Variants in CCDC12 observed in about 807,000 individuals in gnomAD.
CCDC12 encodes coiled-coil domain containing 12.
CCDC12 carries 28 observed loss-of-function variants against 25.7 expected under a neutral mutation model. That is an observed-to-expected ratio of 1.09 (90% CI 0.81 to 1.50). CCDC12 has a LOEUF of 1.50. Ranked by LOEUF, CCDC12 falls within the 40% of genes most tolerant of loss-of-function variation. The pLI is 0.00. For missense variants in CCDC12, 198 were observed against 210.0 expected, an observed-to-expected ratio of 0.94 and a Z score of 0.35; for synonymous variants, 75 against 87.7, an observed-to-expected ratio of 0.86 and a Z score of 0.81.
chr3:46,951,075 A>G (rs1415662011), intron 1 of CCDC12, among the ~76,000 whole-genome samples: 1 of 152,206 alleles, frequency 6.6e-6, no homozygotes, highest in East Asian at 1.9e-4. Context: ...TCAAGGCTGC[A>G]GTGAGCTGTA....
chr3:46,923,318 G>A lies in CCDC12; in HGVS notation c.341+11C>T. ...GTCAGCCTGCACCCGCCACGCACGG[G>A]CAACACTCACCAGTCAGGCTTCCGA... On this transcript the variant is annotated intron_variant, in intron 5 of 6. Transcript: ENST00000683445. 6.7e-7 allele frequency: 1 copy of A among 1,484,458 alleles called. No homozygotes were observed. Among genetic ancestry groups the A allele is most frequent in the Non-Finnish European group, 9.0e-7 (1 of 1,116,406 alleles). 92.0% of individuals were successfully genotyped at this position (1,484,458 alleles called of 1,614,324 possible).
rs2033137479 is a variant in CCDC12, at chr3:46,929,928, G to C, written c.165-4393C>G. Among the ~76,000 whole-genome samples, 3 of 151,394 alleles carry C rather than the reference G, an allele frequency of 2.0e-5. No homozygotes were observed. The South Asian group carries it at 6.3e-4, about 32-fold the overall frequency. On this transcript the variant is annotated intron_variant, in intron 2 of 6. Transcript: ENST00000683445. ...TGCCTGTAATCCCAGCTACTCAGGAGGCTGAGGCAGGAGAATCACTTGAAC... is the reference window on the plus strand; with the variant it reads ...TGCCTGTAATCCCAGCTACTCAGGACGCTGAGGCAGGAGAATCACTTGAAC...
intron 1 of CCDC12, among the ~76,000 whole-genome samples, chr3:46,955,756 C>T (rs1201323989): frequency 6.6e-6 from 1 of 152,192 alleles, no homozygotes; most frequent in African/African-American, 2.4e-5. Flanking sequence ...AAGGGGCCCC[C>T]CGAAAAACAA....
rs138671582 is a variant in CCDC12 at position 46,946,774 on chromosome 3, G to T, written c.97-5709C>A. ...CTGTGTGTCTGTGTTTGGGAGGGGGGTTAAAGTTAAAATGAGGGCTGGGAA... is the reference window on the plus strand; with the variant it reads ...CTGTGTGTCTGTGTTTGGGAGGGGGTTTAAAGTTAAAATGAGGGCTGGGAA... On this transcript the variant is annotated intron_variant, in intron 1 of 6. Transcript: ENST00000683445. Among the ~76,000 whole-genome samples the T allele has an allele frequency of 6.4e-3, 968 of 152,320 alleles. 12 individuals carry two copies. The highest frequency in any genetic ancestry group is 0.022 in the African/African-American group (922 of 41,566).
intron 2 of CCDC12, among the ~76,000 whole-genome samples, chr3:46,935,076 G>T (rs2033390858): frequency 6.6e-6 from 1 of 152,222 alleles, no homozygotes; most frequent in African/African-American, 2.4e-5. Flanking sequence ...GGGGTGGGAA[G>T]TCTCTCCACA....
At chr3:46,941,285 G>GCA (rs1472964819) in intron 1 of CCDC12, among the ~76,000 whole-genome samples, 8 of 151,914 alleles carry the variant, frequency 5.3e-5, no homozygotes, top group African/African-American at 1.4e-4. Context: ...ACTCTTGGCT[G>GCA]GGCGCGGTGG....
chr3:46,973,653 G>A lies in CCDC12; in HGVS notation c.96+2984C>T, dbSNP rs538709026. Among the ~76,000 whole-genome samples the A allele has an allele frequency of 3.2e-4, 39 of 123,522 alleles. No individual in the cohort carries two copies. In the South Asian group the frequency reaches 9.3e-3, roughly 30 times the overall value. 81.0% of individuals were successfully genotyped at this position (123,522 alleles called of 152,430 possible). A position where few individuals can be genotyped will look rare whatever the true frequency, so the allele number is the denominator to read the frequency against. ...TTTTGAGATGGAGTCTCACTCTGTCGCCCAGGCTGGAGTGCAGTGGCGCAT... is the reference window on the plus strand; with the variant it reads ...TTTTGAGATGGAGTCTCACTCTGTCACCCAGGCTGGAGTGCAGTGGCGCAT... On this transcript the variant is annotated intron_variant, in intron 1 of 6. Transcript: ENST00000683445.
chr3:46,929,398 T>C (rs1326972306), intron 2 of CCDC12, among the ~76,000 whole-genome samples: 1 of 152,154 alleles, frequency 6.6e-6, no homozygotes, highest in Non-Finnish European at 1.5e-5. Context: ...TCCTAGGAGC[T>C]CCCATAGCCT....
rs371556796 is a variant in CCDC12 at position 46,922,297 on chromosome 3, A to C, written c.357T>G (p.Asp119Glu). The change falls in exon 6 of 7, where the codon GAT (aspartate) becomes GAG (glutamate). Residue 119 changes from aspartate to glutamate, a missense_variant. Asp to Glu is a conservative substitution (Grantham distance 45). Coordinates refer to ENST00000683445, the MANE Select transcript of CCDC12 (RefSeq NM_001277074.2). ...PRKPDWDLKR[D>E]VAKKLEKLKK... ...TTAGTTTCTCCAGCTTCTTGGCCAC[A>C]TCTCTCTTGAGGTCCCTGGAGCAGG... is the stretch of plus-strand genomic sequence containing the variant. 2 of 1,614,152 alleles carry C rather than the reference A, an allele frequency of 1.2e-6. No homozygotes were observed. Among genetic ancestry groups the C allele is most frequent in the Non-Finnish European group, 1.7e-6 (2 of 1,180,014 alleles).
At chr3:46,972,985 C>G (rs1460192293) in intron 1 of CCDC12, among the ~76,000 whole-genome samples, 3 of 151,776 alleles carry the variant, frequency 2.0e-5, no homozygotes, top group Non-Finnish European at 4.4e-5. Flanking sequence ...CTATATAAAC[C>G]CCTGATTTTA....
intron 1 of CCDC12, among the ~76,000 whole-genome samples, chr3:46,967,271 CCA>C (rs1437400286): frequency 4.6e-5 from 7 of 152,156 alleles, no homozygotes; most frequent in Non-Finnish European, 8.8e-5. Flanking sequence ...CCTCCTACCT[CCA>C]CACACAGTCA....
intron 1 of CCDC12, among the ~76,000 whole-genome samples, chr3:46,961,144 C>A (rs1164747228): frequency 6.6e-6 from 1 of 151,804 alleles, no homozygotes; most frequent in East Asian, 1.9e-4. Flanking sequence ...GTGGAGAGTA[C>A]ATGCTGTATG....
intron 1 of CCDC12, among the ~76,000 whole-genome samples, chr3:46,969,138 C>CCT (rs1395934541): frequency 2.0e-5 from 3 of 152,122 alleles, no homozygotes; most frequent in Non-Finnish European, 2.9e-5. Flanking sequence ...GCATACTAGG[C>CCT]CTCTCACCCA....
At chr3:46,971,744 C>G (rs545666332) in intron 1 of CCDC12, among the ~76,000 whole-genome samples, 7 of 152,292 alleles carry the variant, frequency 4.6e-5, no homozygotes, top group Admixed American at 3.3e-4. Flanking sequence ...ACAGTAAGAA[C>G]TCAATGAAGG....
chr3:46,976,751 T>C, upstream of CCDC12: 1 of 1,593,490 alleles, frequency 6.3e-7, no homozygotes, highest in Non-Finnish European at 8.5e-7. Flanking sequence ...CGTACGCCCC[T>C]CCTTTTCTCC....
intron 2 of CCDC12, among the ~76,000 whole-genome samples, chr3:46,931,677 T>C (rs921087376): frequency 6.6e-6 from 1 of 152,172 alleles, no homozygotes; most frequent in Admixed American, 6.5e-5. Context: ...AACAAGGTCC[T>C]CCACCTGGCC....
rs144514137 is a variant in CCDC12 at position 46,974,140 on chromosome 3, A to G, written c.96+2497T>C. Among the ~76,000 whole-genome samples the G allele has an allele frequency of 1.9e-3, 292 of 152,354 alleles. 4 individuals are homozygous for G. The highest frequency in any genetic ancestry group is 6.7e-3 in the African/African-American group (280 of 41,582). On this transcript the variant is annotated intron_variant, in intron 1 of 6. Coordinates refer to ENST00000683445, the MANE Select transcript of CCDC12 (RefSeq NM_001277074.2). ...TTTGATTACATGAGGTACCTAGAGT[A>G]GTCAAATTCAGAGACAGGAAGTAGA...
chr3:46,925,176 G>T (rs1312840522), intron 3 of CCDC12: 1 of 622,818 alleles, frequency 1.6e-6, no homozygotes, highest in Non-Finnish European at 3.0e-6. Flanking sequence ...CTGAGAGGAT[G>T]TGGCCTTTTT....
At chr3:46,954,334 C>CT (rs1429472472) in intron 1 of CCDC12, among the ~76,000 whole-genome samples, 2 of 152,218 alleles carry the variant, frequency 1.3e-5, no homozygotes, top group Non-Finnish European at 2.9e-5. Context: ...AGCCCAACCA[C>CT]TATGTGTTCA....
Sources: allele counts gnomAD v4.1 joint callset (sites outside exome capture counted in the v4.1 genomes callset), GRCh38; gene constraint gnomAD v4.1.1; transcripts MANE v1.5; gene names NCBI Gene and HGNC (gene_info 2026-07-23, HGNC 2026-07-21).